Variants in RNF13 observed in about 807,000 individuals in gnomAD.
RNF13 encodes ring finger protein 13, also known as E3 ubiquitin-protein ligase RNF13.
Under a neutral mutation model 37.7 loss-of-function variants are expected in RNF13, and 19 were observed. That is an observed-to-expected ratio of 0.50 (90% CI 0.35 to 0.74). RNF13 has a LOEUF of 0.74. Among genes scored for constraint, RNF13 ranks in the 30% least tolerant of loss-of-function variants. RNF13 has a pLI of 0.01. For synonymous variants in RNF13, 144 were observed against 157.8 expected, an observed-to-expected ratio of 0.91 and a Z score of 0.65; for missense variants, 375 against 453.0, an observed-to-expected ratio of 0.83 and a Z score of 1.56.
intron 1 of RNF13, among the ~76,000 whole-genome samples, chr3:149,839,757 A>T (rs1559898403): frequency 6.6e-6 from 1 of 151,992 alleles, no homozygotes; most frequent in Non-Finnish European, 1.5e-5. Flanking sequence ...CATCATAGCT[A>T]AGGATTTTTT....
At position 149,961,361 on chromosome 3, in the gene RNF13, TAAAA is replaced by T. The variant is rs61689176; in HGVS notation, c.*267_*270del. The T allele has an allele frequency of 4.2e-5, 22 of 525,470 alleles. 1 individual carries two copies. In the Admixed American group the frequency reaches 4.8e-4, roughly 11 times the overall value. The allele number at this position is 525,470 out of a possible 1,614,324, so 32.6% of individuals were successfully genotyped here. ...TTGGAATGAAAGTATAGCCAAAACA[TAAAA>T]AAAAAAAAATCCTCAGTATAGCTTG... is the stretch of plus-strand genomic sequence containing the variant. On this transcript the variant is annotated 3_prime_UTR_variant, in exon 10 of 10. Transcript: ENST00000392894.
chr3:149,940,962 A>G (rs1457333397), intron 8 of RNF13, among the ~76,000 whole-genome samples: 1 of 152,210 alleles, frequency 6.6e-6, no homozygotes, highest in African/African-American at 2.4e-5. Context: ...TCCTTTTGCA[A>G]CTGGCATATT....
chr3:149,948,863 CA>C (rs1024223226), intron 8 of RNF13, among the ~76,000 whole-genome samples: 1 of 152,064 alleles, frequency 6.6e-6, no homozygotes, highest in East Asian at 1.9e-4. Context: ...CTCATCTCTA[CA>C]AAAAAACACA....
At chr3:149,823,328 GT>G (rs1277750468) in intron 1 of RNF13, among the ~76,000 whole-genome samples, 1 of 152,078 alleles carries the variant, frequency 6.6e-6, no homozygotes, top group Non-Finnish European at 1.5e-5. Context: ...CAGATATGTA[GT>G]AAGCATTTGA....
intron 4 of RNF13, among the ~76,000 whole-genome samples, chr3:149,876,726 G>C (rs1001047785): frequency 2.1e-5 from 3 of 145,050 alleles, no homozygotes; most frequent in Admixed American, 1.4e-4. Flanking sequence ...ACTGTGTCCT[G>C]TCTGAAACCT....
intron 6 of RNF13, among the ~76,000 whole-genome samples, chr3:149,906,645 C>CTTTTTTTTTTTTTTTTTTTTTT (rs35801459): frequency 7.6e-5 from 6 of 79,150 alleles, no homozygotes; most frequent in Non-Finnish European, 1.1e-4. Flanking sequence ...TTCAATTCTG[C>CTTTTTTTTTTTTTTTTTTTTTT]TTTTTTTTTT....
Position 149,961,946 on chromosome 3 carries a change from G to GT in RNF13, c.*843dup, listed in dbSNP as rs1339173847. The GT allele has an allele frequency of 1.3e-5, 2 of 152,556 alleles. No individual in the cohort carries two copies. Among genetic ancestry groups the GT allele is most frequent in the African/African-American group, 4.8e-5 (2 of 41,456 alleles). The allele number at this position is 152,556 out of a possible 1,614,324, so 9.5% of individuals were successfully genotyped here. On this transcript the variant is annotated 3_prime_UTR_variant, in exon 10 of 10. Coordinates refer to ENST00000392894, the MANE Select transcript of RNF13 (RefSeq NM_183381.3). ...AACTGTTCAAGTATTGGATTTGAAA[G>GT]TAAGTGACTTATGTTTAACAGAACT...
At chr3:149,853,834 C>CTTTTT (rs1052140782) in intron 3 of RNF13, among the ~76,000 whole-genome samples, 3,044 of 115,276 alleles carry the variant, frequency 0.026, 56 homozygotes, top group Non-Finnish European at 0.043. Flanking sequence ...TAAAATTTCT[C>CTTTTT]TTTTTTTTTT....
rs760828344 is a variant in RNF13 at position 149,921,264 on chromosome 3, A to G, written c.700+37A>G. 6 of 963,768 alleles carry G rather than the reference A, an allele frequency of 6.2e-6. No homozygotes were observed. In the East Asian group the frequency reaches 1.5e-4, roughly 23 times the overall value. 59.7% of individuals were successfully genotyped at this position (963,768 alleles called of 1,614,324 possible). ...TTTTCTAAATAATTATCCTTAGTTT[A>G]TTTAAGACTGCAGGGTGACTATACT... On this transcript the variant is annotated intron_variant, in intron 8 of 9. Transcript: ENST00000392894.
At chr3:149,922,441 GCA>G (rs2108539718) in intron 8 of RNF13, among the ~76,000 whole-genome samples, 1 of 152,336 alleles carries the variant, frequency 6.6e-6, no homozygotes, top group South Asian at 2.1e-4. Flanking sequence ...GGAGAAGGAT[GCA>G]CAGTCTGCAG....
intron 4 of RNF13, among the ~76,000 whole-genome samples, chr3:149,888,171 T>G (rs1046635134): frequency 3.3e-5 from 5 of 152,216 alleles, no homozygotes; most frequent in African/African-American, 1.2e-4. Context: ...GTTTACTTGT[T>G]TTAGTAATAA....
intron 8 of RNF13, 172 bp from the exon 9 acceptor site, chr3:149,959,884 T>G (rs1722212919): frequency 2.1e-6 from 1 of 467,940 alleles, no homozygotes; most frequent in Non-Finnish European, 3.8e-6. Context: ...TTAGGTAAAA[T>G]GTTAATTACT....
chr3:149,900,193 G>T (rs1308228764), intron 5 of RNF13, among the ~76,000 whole-genome samples: 1 of 152,070 alleles, frequency 6.6e-6, no homozygotes, highest in Non-Finnish European at 1.5e-5. Context: ...ATAATTCAAA[G>T]AAGCTAGGTT....
intron 8 of RNF13, among the ~76,000 whole-genome samples, chr3:149,941,162 G>T (rs116130806): frequency 0.017 from 2,580 of 152,184 alleles, 82 homozygotes; most frequent in African/African-American, 0.058. Context: ...CCATGAACAT[G>T]GGTGAAAATT....
chr3:149,888,629 TGTTCTA>T (rs902712605), intron 4 of RNF13, among the ~76,000 whole-genome samples: 2 of 152,216 alleles, frequency 1.3e-5, no homozygotes, highest in African/African-American at 4.8e-5. Context: ...AAGTAAATAA[TGTTCTA>T]GTTCTAAGTA....
chr3:149,870,474 A>G (rs1711903828), intron 3 of RNF13, among the ~76,000 whole-genome samples: 1 of 151,850 alleles, frequency 6.6e-6, no homozygotes, highest in Admixed American at 6.6e-5. Flanking sequence ...GAGTCAAACC[A>G]GCTTGCTTCT....
At chr3:149,948,018 C>T (rs1036071675) in intron 8 of RNF13, among the ~76,000 whole-genome samples, 2 of 151,992 alleles carry the variant, frequency 1.3e-5, no homozygotes, top group Non-Finnish European at 2.9e-5. Context: ...GGCGCGATCT[C>T]GGCTCACTGT....
chr3:149,859,099 A>G (rs1723958688), intron 3 of RNF13, among the ~76,000 whole-genome samples: 1 of 152,212 alleles, frequency 6.6e-6, no homozygotes, highest in African/African-American at 2.4e-5. Context: ...TGTGATGTGA[A>G]GAAAGCCCTG....
chr3:149,836,022 T>A (rs922365282), intron 1 of RNF13, among the ~76,000 whole-genome samples: 2 of 152,190 alleles, frequency 1.3e-5, no homozygotes, highest in Non-Finnish European at 2.9e-5. Flanking sequence ...TGTAGAAGTG[T>A]TCCCTTTCAC....
Sources: allele counts gnomAD v4.1 joint callset (sites outside exome capture counted in the v4.1 genomes callset), GRCh38; gene constraint gnomAD v4.1.1; transcripts MANE v1.5; gene names NCBI Gene and HGNC (gene_info 2026-07-23, HGNC 2026-07-21).